CSPG4: variants seen among roughly 807,000 people sequenced by gnomAD.
The protein encoded by CSPG4 is chondroitin sulfate proteoglycan 4.
CSPG4 carries 74 observed loss-of-function variants against 139.3 expected under a neutral mutation model. The observed-to-expected ratio is 0.53, with a 90% CI of 0.44 to 0.64. The LOEUF (loss-of-function observed/expected upper bound fraction) is 0.64. CSPG4 is among the 30% of genes least tolerant of loss of function. The pLI is 0.00. For synonymous variants in CSPG4, 1,234 were observed against 1,394.2 expected (o/e 0.89, Z 2.56); for missense variants, 2,565 against 3,148.3 (o/e 0.81, Z 4.43).
At position 75,682,653 on chromosome 15, in the gene CSPG4, T is replaced by C; in HGVS notation, c.4737A>G (p.Gln1579=). The C allele has an allele frequency of 6.2e-7, 1 of 1,613,146 alleles. No individual in the cohort carries two copies. The highest frequency in any genetic ancestry group is 2.2e-5 in the East Asian group (1 of 44,874). Residue 1579 remains glutamine (Q), a synonymous_variant, in exon 7 of 10, where the codon CAA becomes CAG. Transcript: ENST00000308508. ...GGCTGCCCTTCAGCGAGAGGAGCAC[T>C]TGCTTCTGGGCCGTCACTCGGAAGA... ...GHFFRVTAQK[Q]VLLSLKGSQT...
chr15:75,698,795 C>A lies in CSPG4; in HGVS notation c.89-5562G>T, dbSNP rs948959771. The stretch of plus-strand genomic sequence containing the variant: ...AGCAGACTCCCCAAGGCTCAGCCAC[C>A]CACACTGAGCTATCACCTTCACCCA... On this transcript the variant is annotated intron_variant, in intron 1 of 9. Coordinates refer to ENST00000308508, the MANE Select transcript of CSPG4 (RefSeq NM_001897.5). The surrounding 1 kb of genome is among the most constrained non-coding windows in gnomAD (Gnocchi z 4.3). Among the ~76,000 whole-genome samples, 2 of 152,164 alleles carry A rather than the reference C, an allele frequency of 1.3e-5. No individual in the cohort carries two copies. Among genetic ancestry groups the A allele is most frequent in the Non-Finnish European group, 2.9e-5 (2 of 68,012 alleles).
intron 8 of CSPG4, 46 bp from the exon 9 acceptor site, chr15:75,677,932 T>C: frequency 6.5e-7 from 1 of 1,538,416 alleles, no homozygotes; most frequent in Non-Finnish European, 8.8e-7. Context: ...CCAGCCTGTG[T>C]TGTCCAGACA....
chr15:75,687,390 G>A lies in CSPG4; in HGVS notation c.3675C>T (p.Thr1225=), dbSNP rs1334703363. ...CCTCTAGGGCAATGGTCACTTGTAG[G>A]GTGGCATCCGTGTGCACTGGCCCTG... ...VEAGPVHTDA[T]LQVTIALEGP... Residue 1225 remains threonine (T), a synonymous_variant, in exon 3 of 10, where the codon ACC becomes ACT. Coordinates refer to ENST00000308508, the MANE Select transcript of CSPG4 (RefSeq NM_001897.5). This position sits in a 1 kb window ranked among gnomAD's most constrained non-coding sequence, Gnocchi z 5.4. 2 of 1,612,856 alleles carry A rather than the reference G, an allele frequency of 1.2e-6. No individual in the cohort carries two copies. The highest frequency in any genetic ancestry group is 1.7e-5 in the Admixed American group (1 of 59,998).
rs893466845 is a variant in CSPG4, at chr15:75,704,880, C to T, written c.88+7788G>A. The stretch of plus-strand genomic sequence containing the variant: ...AGTGGTGGTAACAGCCCCATGGTGA[C>T]TCTGGCAGGTGAGCTGTCCCACGTC... On this transcript the variant is annotated intron_variant, in intron 1 of 9. Transcript: ENST00000308508. Among the ~76,000 whole-genome samples, 106 of 152,224 alleles carry T rather than the reference C, an allele frequency of 7.0e-4. 1 individual carries two copies. The highest frequency in any genetic ancestry group is 1.0e-3 in the Non-Finnish European group (70 of 68,034).
In CSPG4 at chr15:75,685,613, C is replaced by T. The variant is rs773655109; in HGVS notation, c.3878G>A (p.Gly1293Asp). Residue 1293 changes from glycine to aspartate, a missense_variant, in exon 4 of 10, where the codon GGC (glycine) becomes GAC (aspartate). Gly to Asp is a moderately conservative substitution (Grantham distance 94, BLOSUM62 -1). Coordinates refer to ENST00000308508, the MANE Select transcript of CSPG4 (RefSeq NM_001897.5). ...GCTGGGTGGCTCATCTGCCAAGGCG[C>T]CACGCGACACCATCACCAGGTAGCC... is the stretch of plus-strand genomic sequence containing the variant. ...SAGYLVMVSR[G>D]ALADEPPSLD... 6.2e-7 allele frequency: 1 copy of T among 1,609,828 alleles called. No individual in the cohort carries two copies. The highest frequency in any genetic ancestry group is 8.5e-7 in the Non-Finnish European group (1 of 1,179,502).
chr15:75,704,784 G>A (rs1038926800), intron 1 of CSPG4, among the ~76,000 whole-genome samples: 5 of 152,178 alleles, frequency 3.3e-5, no homozygotes, highest in Admixed American at 1.3e-4. Context: ...AGCCCAGAGC[G>A]GAGAGGGCTG....
Position 75,685,051 on chromosome 15 carries a change from G to A in CSPG4, c.4273-139C>T, listed in dbSNP as rs1894034645. The A allele has an allele frequency of 1.2e-5, 15 of 1,256,046 alleles. No individual in the cohort carries two copies. The South Asian group carries it at 1.3e-4, about 11-fold the overall frequency. The allele number at this position is 1,256,046 out of a possible 1,614,324, so 77.8% of individuals were successfully genotyped here. On this transcript the variant is annotated intron_variant, in intron 4 of 9. Transcript: ENST00000308508. ...TGGGGACCATAAGTTCTGGCTCCGA[G>A]GAGTTGTGAGGAAGAAAAGATATAT...
chr15:75,685,143 C>A, intron 4 of CSPG4, 76 bp downstream of exon 4: 1 of 1,490,812 alleles, frequency 6.7e-7, no homozygotes, highest in South Asian at 1.4e-5. Context: ...AACCCCCAGA[C>A]TGGGAGTCCC....
At position 75,685,242 on chromosome 15, in the gene CSPG4, G is replaced by C; in HGVS notation, c.4249C>G (p.Leu1417Val). ...ACCATTCTCCAGGAGAAGGCGCTGA[G>C]GGTCCTGGCTTGAGGTCCGTCCTCC... The part of the protein sequence containing the change: ...QKEDGPQART[L>V]SAFSWRMVEE... Residue 1417 changes from leucine (L) to valine (V), a missense_variant, in exon 4 of 10, where the codon CTC (leucine) becomes GTC (valine). Transcript: ENST00000308508. The C allele has an allele frequency of 6.6e-7, 1 of 1,524,174 alleles. No individual in the cohort carries two copies. The highest frequency in any genetic ancestry group is 8.8e-7 in the Non-Finnish European group (1 of 1,136,682). The allele number at this position is 1,524,174 out of a possible 1,614,324, so 94.4% of individuals were successfully genotyped here.
Position 75,674,424 on chromosome 15 carries a change from G to C in CSPG4, c.*1126C>G, listed in dbSNP as rs1016265455. On this transcript the variant is annotated 3_prime_UTR_variant, in exon 10 of 10. Transcript: ENST00000308508. ...AAGGGGTTTGGTCCCATCACCCGAA[G>C]ACTGGCCCACCTGCCCACACAGGTG... 10 of 327,294 alleles carry C rather than the reference G, an allele frequency of 3.1e-5. No individual in the cohort carries two copies. Among genetic ancestry groups the C allele is most frequent in the Non-Finnish European group, 5.5e-5 (10 of 180,286 alleles). The allele number at this position is 327,294 out of a possible 1,614,324, so 20.3% of individuals were successfully genotyped here.
rs771599626 is a variant in CSPG4, at chr15:75,676,848, C to T, written c.5671G>A (p.Val1891Met). 1.2e-5 allele frequency: 18 copies of T among 1,562,438 alleles called. No homozygotes were observed. Among genetic ancestry groups the T allele is most frequent in the Admixed American group, 7.4e-5 (4 of 53,896 alleles). The change falls in exon 10 of 10, where the codon GTG becomes ATG. Residue 1891 changes from valine to methionine, a missense_variant. Around this residue, in one of 5 missense-constraint regions of CSPG4, gnomAD observed 2,316 missense variants for 2,818.2 expected, o/e 0.82. Coordinates refer to ENST00000308508, the MANE Select transcript of CSPG4 (RefSeq NM_001897.5). ...ACATCGGCTTGCGTGAAGCGGGTCA[C>T]GGGCCCCAGGCCACCACCCACCAGG... ...LSLVGGGLGP[V>M]TRFTQADVDS... is the part of the protein sequence containing the mutation.
Position 75,690,737 on chromosome 15 carries a change from G to C in CSPG4, c.328C>G (p.His110Asp), listed in dbSNP as rs1336021222. The C allele has an allele frequency of 6.2e-7, 1 of 1,613,184 alleles. No homozygotes were observed. Among genetic ancestry groups the C allele is most frequent in the Admixed American group, 1.7e-5 (1 of 60,026 alleles). ...AETLLSDSIP[H>D]TVVLTVVEGW... ...TCTACGACAGTCAGCACCACAGTGT[G>C]GGGGATGGAGTCACTCAGCAGCGTC... The change falls in exon 3 of 10, where the codon CAC (histidine) becomes GAC (aspartate). Residue 110 changes from histidine (H) to aspartate (D), a missense_variant. Physicochemically the swap from His to Asp is moderately conservative, Grantham distance 81 (BLOSUM62 -1). Around this residue, in one of 5 missense-constraint regions of CSPG4, gnomAD observed 132 missense variants for 132.3 expected, o/e 1.00. Coordinates refer to ENST00000308508, the MANE Select transcript of CSPG4 (RefSeq NM_001897.5).
chr15:75,710,263 T>G (rs1894431084), intron 1 of CSPG4, among the ~76,000 whole-genome samples: 1 of 152,176 alleles, frequency 6.6e-6, no homozygotes, highest in South Asian at 2.1e-4. Flanking sequence ...GCCTGCCCTG[T>G]GCTCACTGTG....
intron 1 of CSPG4, among the ~76,000 whole-genome samples, chr15:75,704,305 C>T (rs1894342080): frequency 6.6e-6 from 1 of 152,170 alleles, no homozygotes; most frequent in Admixed American, 6.5e-5. Flanking sequence ...GCCAGGTAGC[C>T]CAAGGGCTGT....
At chr15:75,697,565 A>C (rs1894244951) in intron 1 of CSPG4, among the ~76,000 whole-genome samples, 3 of 151,246 alleles carry the variant, frequency 2.0e-5, no homozygotes, top group South Asian at 4.2e-4. Context: ...ACTGTACCCC[A>C]CTCTCTGGCA....
chr15:75,690,183 G>A lies in CSPG4; in HGVS notation c.882C>T (p.His294=). 6.2e-7 allele frequency: 1 copy of A among 1,613,340 alleles called. No individual in the cohort carries two copies. The highest frequency in any genetic ancestry group is 8.5e-7 in the Non-Finnish European group (1 of 1,179,908). ...ACTGGTCCACGGAGATTTCCAGCCG[G>A]TGAGCATTGATGTGGACACTGACCT... The part of the protein sequence containing the change: ...PHEVSVHINA[H]RLEISVDQYP... Residue 294 remains histidine (H), a synonymous_variant, in exon 3 of 10, where the codon CAC becomes CAT. Coordinates refer to ENST00000308508, the MANE Select transcript of CSPG4 (RefSeq NM_001897.5).
intron 1 of CSPG4, among the ~76,000 whole-genome samples, chr15:75,699,110 C>T (rs10851883): frequency 0.44 from 67,670 of 152,088 alleles, 15,447 homozygotes; most frequent in African/African-American, 0.56. Flanking sequence ...CGTGAGCTAC[C>T]GAAATGCGGA....
chr15:75,676,114 G>A lies in CSPG4; in HGVS notation c.6405C>T (p.Pro2135=), dbSNP rs1248374154. 16 of 1,534,478 alleles carry A rather than the reference G, an allele frequency of 1.0e-5. No individual in the cohort carries two copies. The highest frequency in any genetic ancestry group is 2.4e-5 in the East Asian group (1 of 40,950). Residue 2135 remains proline, a synonymous_variant, in exon 10 of 10, where the codon CCC becomes CCT. Coordinates refer to ENST00000308508, the MANE Select transcript of CSPG4 (RefSeq NM_001897.5). Reference sequence around the variant, plus strand: ...GAGTGAGACTGTCACCTGCGGGGCCGGGGGCCCTCCCCTCTGGCCTGCCCA... The same window carrying A: ...GAGTGAGACTGTCACCTGCGGGGCCAGGGGCCCTCCCCTCTGGCCTGCCCA... ...LEVGRPEGRA[P]GPAGDSLTLE...
intron 8 of CSPG4, chr15:75,678,867 C>A: frequency 2.2e-6 from 1 of 451,718 alleles, no homozygotes; most frequent in South Asian, 1.6e-5. Context: ...CGGCTCTCAG[C>A]CTCCTCTTAA....
Sources: gnomAD v4.1 joint callset for allele counts (sites outside exome capture counted in the v4.1 genomes callset) on GRCh38, gnomAD v4.1.1 for gene constraint, gnomAD v4.1.1 regional missense constraint, Gnocchi (gnomAD v3.1) non-coding constraint, MANE v1.5 for transcripts, NCBI Gene and HGNC (gene_info 2026-07-23, HGNC 2026-07-21) for gene names.